CNTF: variants seen among roughly 807,000 people sequenced by gnomAD.
CNTF encodes ciliary neurotrophic factor, also known as Ciliary Neuronotrophic Factor.
In CNTF, 14 loss-of-function variants were observed where a neutral mutation model predicts 13.0. The ratio of observed to expected loss-of-function variants is 1.07; its 90% CI spans 0.71 to 1.68. CNTF has a LOEUF of 1.68. CNTF is among the 40% of genes most tolerant of loss of function. CNTF has a pLI of 0.00. For missense variants in CNTF, 283 were observed against 252.5 expected (o/e 1.12, Z -0.82); for synonymous variants, 98 against 92.4 (o/e 1.06, Z -0.35).
At position 58,624,201 on chromosome 11, in the gene CNTF, G is replaced by A. The variant is rs1036376161; in HGVS notation, c.282G>A (p.Gln94=). 6.8e-6 allele frequency: 11 copies of A among 1,613,882 alleles called. No individual in the cohort carries two copies. Among genetic ancestry groups the A allele is most frequent in the Non-Finnish European group, 9.3e-6 (11 of 1,180,002 alleles). ...HVLLARLLED[Q]QVHFTPTEGD... ...TGTTGGCCAGGCTCTTAGAAGACCA[G>A]CAGGTGCATTTTACCCCAACCGAAG... Residue 94 remains glutamine, a synonymous_variant, in exon 2 of 2, where the codon CAG becomes CAA. Transcript: ENST00000361987.
In CNTF at chr11:58,624,650, C is replaced by T. The variant is rs1410194469; in HGVS notation, c.*128C>T. 1 of 1,097,646 alleles carries T rather than the reference C, an allele frequency of 9.1e-7. No individual in the cohort carries two copies. The highest frequency in any genetic ancestry group is 1.3e-6 in the Non-Finnish European group (1 of 750,228). The allele number at this position is 1,097,646 out of a possible 1,614,324, so 68.0% of individuals were successfully genotyped here. A position where few individuals can be genotyped will look rare whatever the true frequency, so the allele number is the denominator to read the frequency against. ...AACAGGCATTTTCTTTCTTTTTTCTCTGACCACCTGCAGCCTGTTGAAGGA... is the reference window on the plus strand; with the variant it reads ...AACAGGCATTTTCTTTCTTTTTTCTTTGACCACCTGCAGCCTGTTGAAGGA... On this transcript the variant is annotated 3_prime_UTR_variant, in exon 2 of 2. Coordinates refer to ENST00000361987, the MANE Select transcript of CNTF (RefSeq NM_000614.4).
In CNTF at chr11:58,622,775, C is replaced by T. The variant is rs565152907; in HGVS notation, c.23C>T (p.Pro8Leu). MAFTEHSPLTPHRRDLCS... is the reference protein window; with the variant it reads MAFTEHSLLTPHRRDLCS... Reference sequence around the variant, plus strand: ...GGGATGGCTTTCACAGAGCATTCACCGCTGACCCCTCACCGTCGGGACCTC... The same window carrying T: ...GGGATGGCTTTCACAGAGCATTCACTGCTGACCCCTCACCGTCGGGACCTC... The change falls in exon 1 of 2, where the codon CCG becomes CTG. Residue 8 changes from proline (P) to leucine (L), a missense_variant. Coordinates refer to ENST00000361987, the MANE Select transcript of CNTF (RefSeq NM_000614.4). 2.3e-5 allele frequency: 37 copies of T among 1,613,914 alleles called. No individual in the cohort carries two copies. The highest frequency in any genetic ancestry group is 3.3e-4 in the Middle Eastern group (2 of 6,060).
rs1855917888 is a variant in CNTF, at chr11:58,625,467, A to C, written c.*945A>C. ...GGAAGCTGGGGATGTTTAGTAATAC[A>C]GCCTGGTTTTTAAGTACTCACTAAA... On this transcript the variant is annotated 3_prime_UTR_variant, in exon 2 of 2. Coordinates refer to ENST00000361987, the MANE Select transcript of CNTF (RefSeq NM_000614.4). 6.6e-6 allele frequency: 1 copy of C among 152,186 alleles called. No individual in the cohort carries two copies. The highest frequency in any genetic ancestry group is 2.1e-4 in the South Asian group (1 of 4,832). 9.4% of individuals were successfully genotyped at this position (152,186 alleles called of 1,614,324 possible).
Position 58,624,471 on chromosome 11 carries a change from T to A in CNTF, c.552T>A (p.Thr184=). 2 of 1,614,058 alleles carry A rather than the reference T, an allele frequency of 1.2e-6. No homozygotes were observed. Among genetic ancestry groups the A allele is most frequent in the Non-Finnish European group, 1.7e-6 (2 of 1,179,966 alleles). Residue 184 remains threonine, a synonymous_variant, in exon 2 of 2, where the codon ACT becomes ACA. Transcript: ENST00000361987. ...HDLRFISSHQ[T]GIPARGSHYI... ...TTCGTTTCATTTCTTCTCATCAGAC[T>A]GGGATCCCAGCACGTGGGAGCCATT...
chr11:58,623,086 A>G (rs1341000715), intron 1 of CNTF, among the ~76,000 whole-genome samples: 1 of 152,038 alleles, frequency 6.6e-6, no homozygotes, highest in African/African-American at 2.4e-5. Context: ...GAGAAAATAT[A>G]TATGGAGTTC....
intron 1 of CNTF, among the ~76,000 whole-genome samples, chr11:58,623,587 T>C (rs1188004582): frequency 1.3e-5 from 2 of 152,188 alleles, no homozygotes; most frequent in Non-Finnish European, 2.9e-5. Context: ...CAGACAGAAA[T>C]CAGACTCTTT....
At position 58,624,853 on chromosome 11, in the gene CNTF, A is replaced by G; in HGVS notation, c.*331A>G. 3.3e-6 allele frequency: 1 copy of G among 298,870 alleles called. No homozygotes were observed. Among genetic ancestry groups the G allele is most frequent in the East Asian group, 8.5e-5 (1 of 11,746 alleles). 18.5% of individuals were successfully genotyped at this position (298,870 alleles called of 1,614,324 possible). On this transcript the variant is annotated 3_prime_UTR_variant, in exon 2 of 2. Coordinates refer to ENST00000361987, the MANE Select transcript of CNTF (RefSeq NM_000614.4). Reference sequence around the variant, plus strand: ...CTTTCTAACCCACTAAGTAACCTCTACAGGCATTTAACTGCCTTACAGACA... The same window carrying G: ...CTTTCTAACCCACTAAGTAACCTCTGCAGGCATTTAACTGCCTTACAGACA...
In CNTF at chr11:58,625,436, A is replaced by G. The variant is rs1378918538; in HGVS notation, c.*914A>G. The stretch of plus-strand genomic sequence containing the variant: ...AATGATTAGGCCCGCCAAACTTCTG[A>G]ACTTTGGAAGCTGGGGATGTTTAGT... On this transcript the variant is annotated 3_prime_UTR_variant, in exon 2 of 2. Coordinates refer to ENST00000361987, the MANE Select transcript of CNTF (RefSeq NM_000614.4). 6.6e-6 allele frequency: 1 copy of G among 152,180 alleles called. No homozygotes were observed. The highest frequency in any genetic ancestry group is 1.5e-5 in the Non-Finnish European group (1 of 68,024). The allele number at this position is 152,180 out of a possible 1,614,324, so 9.4% of individuals were successfully genotyped here. A position where few individuals can be genotyped will look rare whatever the true frequency, so the allele number is the denominator to read the frequency against.
In CNTF at chr11:58,625,602, G is replaced by T. The variant is rs1022151688; in HGVS notation, c.*1080G>T. On this transcript the variant is annotated 3_prime_UTR_variant, in exon 2 of 2. Transcript: ENST00000361987. ...TGTGGACAATGAGTGGAATACTAAA[G>T]TTAAAAAGTCAAACTTTCACCTCAG... 1.3e-5 allele frequency: 2 copies of T among 152,138 alleles called. No individual in the cohort carries two copies. The highest frequency in any genetic ancestry group is 4.8e-5 in the African/African-American group (2 of 41,436). 9.4% of individuals were successfully genotyped at this position (152,138 alleles called of 1,614,324 possible).
At chr11:58,623,427 C>T (rs137977406) in intron 1 of CNTF, among the ~76,000 whole-genome samples, 42 of 152,314 alleles carry the variant, frequency 2.8e-4, no homozygotes, top group African/African-American at 9.9e-4. Flanking sequence ...GTGTCAAATT[C>T]TTGAGCTAAT....
At chr11:58,623,368 G>T (rs1272934101) in intron 1 of CNTF, among the ~76,000 whole-genome samples, 1 of 152,196 alleles carries the variant, frequency 6.6e-6, no homozygotes. Flanking sequence ...AAAGAGAAAG[G>T]TAAGCTATCA....
In CNTF at chr11:58,624,950, A is replaced by T. The variant is rs7113847; in HGVS notation, c.*428A>T. Reference sequence around the variant, plus strand: ...GATTCAATTTAAAATCAGACTCTTTAGTTGATTTAAACTCTTAGAGAATAA... The same window carrying T: ...GATTCAATTTAAAATCAGACTCTTTTGTTGATTTAAACTCTTAGAGAATAA... On this transcript the variant is annotated 3_prime_UTR_variant, in exon 2 of 2. Coordinates refer to ENST00000361987, the MANE Select transcript of CNTF (RefSeq NM_000614.4). 2,032 of 184,692 alleles carry T rather than the reference A, an allele frequency of 0.011. 46 individuals are homozygous for T. Among genetic ancestry groups the T allele is most frequent in the African/African-American group, 0.045 (1,889 of 41,758 alleles). 11.4% of individuals were successfully genotyped at this position (184,692 alleles called of 1,614,324 possible).
Position 58,625,376 on chromosome 11 carries a change from A to T in CNTF, c.*854A>T, listed in dbSNP as rs1235255675. 6.6e-6 allele frequency: 1 copy of T among 152,212 alleles called. No homozygotes were observed. Among genetic ancestry groups the T allele is most frequent in the Non-Finnish European group, 1.5e-5 (1 of 68,040 alleles). 9.4% of individuals were successfully genotyped at this position (152,212 alleles called of 1,614,324 possible). A position where few individuals can be genotyped will look rare whatever the true frequency, so the allele number is the denominator to read the frequency against. On this transcript the variant is annotated 3_prime_UTR_variant, in exon 2 of 2. Transcript: ENST00000361987. The stretch of plus-strand genomic sequence containing the variant: ...TTATTGTTCATACTTGGCGGTGAGG[A>T]GGGCAGCTGGAGATCTTAAGATTCC...
rs1203868914 is a variant in CNTF, at chr11:58,624,543, C to T, written c.*21C>T. ...TGTAGCAGTTAGTCCCTTCTCTCTTCCTTGCTTTCTCTTCTAATGGAATAT... is the reference window on the plus strand; with the variant it reads ...TGTAGCAGTTAGTCCCTTCTCTCTTTCTTGCTTTCTCTTCTAATGGAATAT... On this transcript the variant is annotated 3_prime_UTR_variant, in exon 2 of 2. Transcript: ENST00000361987. 1 of 1,611,714 alleles carries T rather than the reference C, an allele frequency of 6.2e-7. No homozygotes were observed. Among genetic ancestry groups the T allele is most frequent in the Non-Finnish European group, 8.5e-7 (1 of 1,179,854 alleles).
rs1024349725 is a variant in CNTF at position 58,624,487 on chromosome 11, G to A, written c.568G>A (p.Gly190Arg). The change falls in exon 2 of 2, where the codon GGG (glycine) becomes AGG (arginine). Residue 190 changes from glycine (G) to arginine (R), a missense_variant. By Grantham distance (125) the Gly-to-Arg change is moderately radical. Transcript: ENST00000361987. The stretch of plus-strand genomic sequence containing the variant: ...TCATCAGACTGGGATCCCAGCACGT[G>A]GGAGCCATTATATTGCTAACAACAA... The part of the protein sequence containing the change: ...SSHQTGIPAR[G>R]SHYIANNKKM The A allele has an allele frequency of 5.6e-6, 9 of 1,613,894 alleles. No homozygotes were observed. Among genetic ancestry groups the A allele is most frequent in the South Asian group, 3.3e-5 (3 of 91,054 alleles).
Position 58,625,513 on chromosome 11 carries a change from G to A in CNTF, c.*991G>A, listed in dbSNP as rs1855918653. On this transcript the variant is annotated 3_prime_UTR_variant, in exon 2 of 2. Coordinates refer to ENST00000361987, the MANE Select transcript of CNTF (RefSeq NM_000614.4). ...CTAAAAGTTCTCAAATATTGGGTTG[G>A]GCACGGCTTATACCAGGTTACCTCA... 6.6e-6 allele frequency: 1 copy of A among 152,152 alleles called. No individual in the cohort carries two copies. The highest frequency in any genetic ancestry group is 6.5e-5 in the Admixed American group (1 of 15,278). 9.4% of individuals were successfully genotyped at this position (152,152 alleles called of 1,614,324 possible).
Position 58,622,836 on chromosome 11 carries a change from T to A in CNTF, c.84T>A (p.Arg28=), listed in dbSNP as rs201478772. ...CTATCTGGCTAGCAAGGAAGATTCG[T>A]TCAGACCTGACTGCTCTTACGGAAT... ...SRSIWLARKI[R]SDLTALTESY... is the part of the protein sequence containing the mutation. The change falls in exon 1 of 2, where the codon CGT becomes CGA. Residue 28 remains arginine (R), a synonymous_variant. Transcript: ENST00000361987. The A allele has an allele frequency of 2.1e-4, 346 of 1,613,846 alleles. No homozygotes were observed. Among genetic ancestry groups the A allele is most frequent in the Non-Finnish European group, 2.3e-4 (266 of 1,179,894 alleles).
At position 58,624,251 on chromosome 11, in the gene CNTF, C is replaced by T. The variant is rs1216480041; in HGVS notation, c.332C>T (p.Thr111Ile). The change falls in exon 2 of 2, where the codon ACC becomes ATC. Residue 111 changes from threonine (T) to isoleucine (I), a missense_variant. Transcript: ENST00000361987. ...TEGDFHQAIHTLLLQVAAFAY... is the reference protein window; with the variant it reads ...TEGDFHQAIHILLLQVAAFAY... ...GGTGACTTCCATCAAGCTATACATACCCTTCTTCTCCAAGTCGCTGCCTTT... is the reference window on the plus strand; with the variant it reads ...GGTGACTTCCATCAAGCTATACATATCCTTCTTCTCCAAGTCGCTGCCTTT... 2 of 1,613,976 alleles carry T rather than the reference C, an allele frequency of 1.2e-6. No individual in the cohort carries two copies. The highest frequency in any genetic ancestry group is 2.2e-5 in the East Asian group (1 of 44,868).
chr11:58,622,783 C>A lies in CNTF; in HGVS notation c.31C>A (p.Pro11Thr). The change falls in exon 1 of 2, where the codon CCT becomes ACT. Residue 11 changes from proline (P) to threonine (T), a missense_variant. Pro to Thr is a conservative substitution (Grantham distance 38). Transcript: ENST00000361987. MAFTEHSPLT[P>T]HRRDLCSRSI... ...TTTCACAGAGCATTCACCGCTGACC[C>A]CTCACCGTCGGGACCTCTGTAGCCG... 1 of 1,613,968 alleles carries A rather than the reference C, an allele frequency of 6.2e-7. No individual in the cohort carries two copies. Among genetic ancestry groups the A allele is most frequent in the Non-Finnish European group, 8.5e-7 (1 of 1,179,906 alleles).
Sources: allele counts gnomAD v4.1 joint callset (sites outside exome capture counted in the v4.1 genomes callset), GRCh38; gene constraint gnomAD v4.1.1; transcripts MANE v1.5; gene names NCBI Gene and HGNC (gene_info 2026-07-23, HGNC 2026-07-21).